Variants in MELK observed in about 807,000 individuals in gnomAD.
MELK encodes pEg3 kinase.
A neutral mutation model predicts 85.0 loss-of-function variants in MELK; 81 were observed. That is an observed-to-expected ratio of 0.95 (90% CI 0.80 to 1.15). The LOEUF is 1.15. Among genes scored for constraint, MELK ranks in the 50% most tolerant of loss-of-function variants. The pLI, the probability that MELK is intolerant of heterozygous loss-of-function variation, is 0.00. For missense variants in MELK, 754 were observed against 777.5 expected (o/e 0.97, Z 0.36); for synonymous variants, 252 against 265.0 (o/e 0.95, Z 0.48).
chr9:36,631,030 C>G (rs952733587), intron 9 of MELK, among the ~76,000 whole-genome samples: 1 of 148,634 alleles, frequency 6.7e-6, no homozygotes, highest in African/African-American at 2.5e-5. Flanking sequence ...GTGGCGTGAT[C>G]TTGGCTCACT....
At chr9:36,593,193 T>A (rs1823814142) in intron 4 of MELK, among the ~76,000 whole-genome samples, 3 of 151,922 alleles carry the variant, frequency 2.0e-5, no homozygotes, top group East Asian at 1.9e-4. Flanking sequence ...TTTTTTTTTT[T>A]TAATTATTGC....
intron 2 of MELK, 76 bp downstream of exon 2, chr9:36,581,815 C>A: frequency 2.5e-6 from 3 of 1,191,252 alleles, no homozygotes; most frequent in South Asian, 1.4e-5. Flanking sequence ...TAGGTGTGAG[C>A]TTTTTCGTCT....
At chr9:36,634,668 G>A (rs918456939) in intron 10 of MELK, among the ~76,000 whole-genome samples, 2 of 151,632 alleles carry the variant, frequency 1.3e-5, no homozygotes, top group African/African-American at 2.4e-5. Flanking sequence ...GAGCGCCACC[G>A]CACTCCAGCC....
chr9:36,587,407 C>G (rs566188915), intron 3 of MELK, among the ~76,000 whole-genome samples: 1 of 151,660 alleles, frequency 6.6e-6, no homozygotes, highest in African/African-American at 2.4e-5. Context: ...ACCTCTGCCT[C>G]CTGGGTTCGA....
At chr9:36,590,942 G>A (rs562676957) in intron 4 of MELK, among the ~76,000 whole-genome samples, 20 of 151,732 alleles carry the variant, frequency 1.3e-4, no homozygotes, top group Non-Finnish European at 2.1e-4. Flanking sequence ...AAAAAAAGCC[G>A]GGTGTGATGG....
rs982887055 is a variant in MELK at position 36,659,437 on chromosome 9, G to C, written c.1176+2074G>C. Reference sequence around the variant, plus strand: ...CCCCTCCTCAGGATTTGATATTATTGCTGTTTGTTGTTGTTGGTTAGTGAC... The same window carrying C: ...CCCCTCCTCAGGATTTGATATTATTCCTGTTTGTTGTTGTTGGTTAGTGAC... On this transcript the variant is annotated intron_variant, in intron 13 of 17. Coordinates refer to ENST00000298048, the MANE Select transcript of MELK (RefSeq NM_014791.4). Among the ~76,000 whole-genome samples, 18 of 152,310 alleles carry C rather than the reference G, an allele frequency of 1.2e-4. 1 individual carries two copies. The highest frequency in any genetic ancestry group is 2.1e-4 in the South Asian group (1 of 4,828).
intron 10 of MELK, among the ~76,000 whole-genome samples, chr9:36,639,754 T>C (rs1829577162): frequency 6.6e-6 from 1 of 152,218 alleles, no homozygotes; most frequent in Non-Finnish European, 1.5e-5. Flanking sequence ...GCAGAGATAG[T>C]AGAACCTCCT....
intron 14 of MELK, among the ~76,000 whole-genome samples, chr9:36,668,017 G>T (rs750221123): frequency 1.3e-5 from 2 of 152,166 alleles, no homozygotes; most frequent in Non-Finnish European, 2.9e-5. Context: ...TGATCCACCT[G>T]CCTCGGCCTC....
rs548635543 is a variant in MELK, at chr9:36,615,061, G to C, written c.666+7388G>C. Among the ~76,000 whole-genome samples, 6 of 128,618 alleles carry C rather than the reference G, an allele frequency of 4.7e-5. 1 individual carries two copies. The highest frequency in any genetic ancestry group is 1.5e-4 in the African/African-American group (5 of 32,446). The allele number at this position is 128,618 out of a possible 152,430, so 84.4% of individuals were successfully genotyped here. A position where few individuals can be genotyped will look rare whatever the true frequency, so the allele number is the denominator to read the frequency against. On this transcript the variant is annotated intron_variant, in intron 8 of 17. Coordinates refer to ENST00000298048, the MANE Select transcript of MELK (RefSeq NM_014791.4). ...TCCCGGACGGGGCAGCTGGCCGGGC[G>C]GGGGGGCTGACCCCCCCCCCACCTC...
In MELK at chr9:36,642,906, T is replaced by A. The variant is rs879750381; in HGVS notation, c.835-91T>A. On this transcript the variant is annotated intron_variant, in intron 10 of 17. Transcript: ENST00000298048. ...CATGTTTTACATAATGATATTTGAT[T>A]GTATAAAGTAATTATGCTGATTTTA... The A allele has an allele frequency of 2.4e-5, 20 of 834,496 alleles. No individual in the cohort carries two copies. The East Asian group carries it at 5.9e-4, about 24-fold the overall frequency. 51.7% of individuals were successfully genotyped at this position (834,496 alleles called of 1,614,324 possible). A position where few individuals can be genotyped will look rare whatever the true frequency, so the allele number is the denominator to read the frequency against.
chr9:36,639,958 T>G (rs1455166066), intron 10 of MELK, among the ~76,000 whole-genome samples: 1 of 152,198 alleles, frequency 6.6e-6, no homozygotes, highest in African/African-American at 2.4e-5. Flanking sequence ...GGTATTAAGG[T>G]GTCTAGGCTT....
intron 8 of MELK, among the ~76,000 whole-genome samples, chr9:36,616,338 A>G (rs1042467611): frequency 6.7e-6 from 1 of 149,740 alleles, no homozygotes; most frequent in Non-Finnish European, 1.5e-5. Context: ...GAGTAACCCG[A>G]GTAGCTAGAA....
chr9:36,662,657 G>C (rs886777891), intron 13 of MELK, among the ~76,000 whole-genome samples: 1 of 152,190 alleles, frequency 6.6e-6, no homozygotes, highest in African/African-American at 2.4e-5. Flanking sequence ...ATTAGCTCTT[G>C]AATGTTTTTA....
At chr9:36,649,956 A>G (rs1336038449) in intron 11 of MELK, among the ~76,000 whole-genome samples, 1 of 151,644 alleles carries the variant, frequency 6.6e-6, no homozygotes. Context: ...TAATTTATTT[A>G]TTTTTGAGAC....
At chr9:36,652,042 A>ATTTTTTTTTTTTT (rs11465173) in intron 12 of MELK, among the ~76,000 whole-genome samples, 165 bp downstream of exon 12, 1 of 91,396 alleles carries the variant, frequency 1.1e-5, no homozygotes. Context: ...TTGAACTCTA[A>ATTTTTTTTTTTTT]TTTTTTTTTT....
intron 4 of MELK, among the ~76,000 whole-genome samples, chr9:36,592,175 T>TC (rs1175853782): frequency 4.8e-5 from 7 of 145,338 alleles, no homozygotes; most frequent in African/African-American, 1.8e-4. Flanking sequence ...TTCTTTTCTT[T>TC]TTTTTTTTTT....
At chr9:36,674,813 C>A in intron 16 of MELK, 21 bp from the exon 17 acceptor site, 2 of 1,453,682 alleles carry the variant, frequency 1.4e-6, no homozygotes, top group Non-Finnish European at 1.9e-6. Context: ...TACTTCTCAT[C>A]TCTTCTTTTT....
chr9:36,577,619 A>G (rs1360429912), intron 1 of MELK, among the ~76,000 whole-genome samples: 1 of 152,030 alleles, frequency 6.6e-6, no homozygotes, highest in Non-Finnish European at 1.5e-5. Flanking sequence ...GGCGTGAGCC[A>G]CTGCACCTGG....
intron 17 of MELK, 106 bp downstream of exon 17, chr9:36,675,043 T>C (rs1833227088): frequency 2.8e-6 from 2 of 717,634 alleles, no homozygotes; most frequent in Admixed American, 4.6e-5. Context: ...CCCAGCACTT[T>C]GGGAGGCTGA....
Sources: gnomAD v4.1 joint callset for allele counts (sites outside exome capture counted in the v4.1 genomes callset) on GRCh38, gnomAD v4.1.1 for gene constraint, MANE v1.5 for transcripts, NCBI Gene and HGNC (gene_info 2026-07-23, HGNC 2026-07-21) for gene names.